ADGRL2: variants seen among roughly 807,000 people sequenced by gnomAD.
ADGRL2 encodes calcium-independent alpha-latrotoxin receptor 2.
ADGRL2 carries 44 observed loss-of-function variants against 157.4 expected under a neutral mutation model. The observed-to-expected ratio is 0.28, with a 90% CI of 0.22 to 0.36. The LOEUF (loss-of-function observed/expected upper bound fraction) is 0.36, where lower values mean the gene tolerates loss of function less well. Among genes scored for constraint, ADGRL2 ranks in the 10% least tolerant of loss-of-function variants. The probability of loss-of-function intolerance (pLI) is 1.00; values close to 1 mark genes in which losing one functional copy is unlikely to be tolerated. For synonymous variants in ADGRL2, 585 were observed against 624.7 expected (o/e 0.94, Z 0.95); for missense variants, 1,510 against 1,768.9 (o/e 0.85, Z 2.63).
At position 81,718,694 on chromosome 1, in the gene ADGRL2, C is replaced by T. The variant is rs556635701; in HGVS notation, c.-143+18886C>T. On this transcript the variant is annotated intron_variant, in intron 1 of 20. Transcript: ENST00000359929. ...GGAGACTTTACTGCATAGTCAGCTT[C>T]GCCTTCTAATCCAATCTTCCCCAAA... Among the ~76,000 whole-genome samples the T allele has an allele frequency of 3.9e-5, 6 of 152,326 alleles. No individual in the cohort carries two copies. The South Asian group carries it at 6.2e-4, about 16-fold the overall frequency.
intron 6 of ADGRL2, among the ~76,000 whole-genome samples, chr1:81,946,307 A>G (rs1162125177): frequency 1.3e-5 from 2 of 150,914 alleles, no homozygotes; most frequent in Non-Finnish European, 3.0e-5. Context: ...TTTCATTCCT[A>G]AAAGCACACG....
rs375955548 is a variant in ADGRL2 at position 81,470,490 on chromosome 1, A to C, written c.-248+25401A>C. Among the ~76,000 whole-genome samples the C allele has an allele frequency of 2.5e-4, 38 of 152,234 alleles. 6 individuals are homozygous for C. The highest frequency in any genetic ancestry group is 2.3e-3 in the East Asian group (12 of 5,174). On this transcript the variant is annotated intron_variant, in intron 2 of 24. Transcript: ENST00000370721. ...TTCAAGTTCCACATTTTCATTTGCT[A>C]GGTCACCACCTTGAATTTTCTCAAC...
chr1:81,483,530 A>G (rs1327507132), intron 2 of ADGRL2, among the ~76,000 whole-genome samples: 2 of 152,198 alleles, frequency 1.3e-5, no homozygotes, highest in Admixed American at 6.5e-5. Flanking sequence ...TATTTTAATA[A>G]TAACACTACA....
At chr1:81,449,726 C>T (rs964601250) in intron 2 of ADGRL2, among the ~76,000 whole-genome samples, 2 of 152,094 alleles carry the variant, frequency 1.3e-5, no homozygotes, top group Non-Finnish European at 2.9e-5. Flanking sequence ...CTTAGCCTCC[C>T]GAGTAGCTGG....
chr1:81,631,472 G>T (rs1006108111), intron 3 of ADGRL2, among the ~76,000 whole-genome samples: 1 of 152,076 alleles, frequency 6.6e-6, no homozygotes, highest in Admixed American at 6.6e-5. Flanking sequence ...CTCCCAAAGT[G>T]CTGGGATTAC....
chr1:81,385,703 A>G (rs1339309017), intron 1 of ADGRL2, among the ~76,000 whole-genome samples: 4 of 152,098 alleles, frequency 2.6e-5, no homozygotes, highest in Non-Finnish European at 5.9e-5. Context: ...AAATGAATGA[A>G]CAATGCATTG....
chr1:81,645,417 A>T (rs1046416982), intron 3 of ADGRL2, among the ~76,000 whole-genome samples: 6 of 146,676 alleles, frequency 4.1e-5, no homozygotes, highest in Non-Finnish European at 7.6e-5. Context: ...AAAAAAAAAA[A>T]AATTAAATTA....
intron 2 of ADGRL2, among the ~76,000 whole-genome samples, chr1:81,490,130 CTTT>C (rs59757979): frequency 7.5e-6 from 1 of 132,470 alleles, no homozygotes. Flanking sequence ...TTAACATATT[CTTT>C]TTTTTTTTTT....
At chr1:81,844,237 T>C (rs986443457) in intron 2 of ADGRL2, among the ~76,000 whole-genome samples, 3 of 152,212 alleles carry the variant, frequency 2.0e-5, no homozygotes, top group South Asian at 2.1e-4. Context: ...GTTATTTTTA[T>C]AGTTTGAAAG....
intron 1 of ADGRL2, among the ~76,000 whole-genome samples, chr1:81,819,161 G>T (rs571287820): frequency 6.6e-6 from 1 of 152,254 alleles, no homozygotes; most frequent in African/African-American, 2.4e-5. Context: ...GAAAGAAATA[G>T]GAACCTAATT....
intron 3 of ADGRL2, among the ~76,000 whole-genome samples, chr1:81,650,054 T>TG (rs2082383702): frequency 8.7e-6 from 1 of 114,956 alleles, no homozygotes; most frequent in East Asian, 2.2e-4. Context: ...GCACCTATTC[T>TG]TAAAAAAAAA....
intron 2 of ADGRL2, among the ~76,000 whole-genome samples, chr1:81,852,916 A>G (rs1048557615): frequency 6.6e-6 from 1 of 152,122 alleles, no homozygotes; most frequent in Admixed American, 6.6e-5. Context: ...TTTAATCTGT[A>G]TGAAGATCTG....
intron 10 of ADGRL2, among the ~76,000 whole-genome samples, chr1:81,954,826 C>G (rs1257222015): frequency 6.6e-6 from 1 of 152,210 alleles, no homozygotes; most frequent in East Asian, 1.9e-4. Context: ...ACTTTCCCCC[C>G]TGTTCATATA....
chr1:81,467,321 A>C (rs1439676513), intron 2 of ADGRL2, among the ~76,000 whole-genome samples: 1 of 152,190 alleles, frequency 6.6e-6, no homozygotes, highest in Non-Finnish European at 1.5e-5. Context: ...AGCAGCTAAA[A>C]AAGAACATGG....
intron 1 of ADGRL2, among the ~76,000 whole-genome samples, chr1:81,362,916 T>A (rs557590925): frequency 1.0e-3 from 157 of 152,144 alleles, no homozygotes; most frequent in Admixed American, 7.8e-3. Context: ...GTAAGCCTCT[T>A]GTGTTTTGGG....
At chr1:81,655,589 T>C (rs2082516656) in intron 3 of ADGRL2, among the ~76,000 whole-genome samples, 1 of 152,200 alleles carries the variant, frequency 6.6e-6, no homozygotes, top group African/African-American at 2.4e-5. Context: ...TTTTCTTTCT[T>C]TTTTGCTTTT....
chr1:81,714,590 A>G (rs2084045691), intron 1 of ADGRL2, among the ~76,000 whole-genome samples: 1 of 152,216 alleles, frequency 6.6e-6, no homozygotes, highest in African/African-American at 2.4e-5. Context: ...ATATAATAGA[A>G]GTCAGGCACA....
At chr1:81,546,643 T>C (rs919146390) in intron 2 of ADGRL2, among the ~76,000 whole-genome samples, 8 of 152,240 alleles carry the variant, frequency 5.3e-5, no homozygotes, top group African/African-American at 1.9e-4. Flanking sequence ...TTCTGTTACA[T>C]TGTTGATTCA....
At chr1:81,446,438 C>T (rs1049050139) in intron 2 of ADGRL2, among the ~76,000 whole-genome samples, 1 of 152,148 alleles carries the variant, frequency 6.6e-6, no homozygotes, top group African/African-American at 2.4e-5. Context: ...CTATATAGGG[C>T]CAATGACTTC....
Sources: gnomAD v4.1 joint callset for allele counts (sites outside exome capture counted in the v4.1 genomes callset) on GRCh38, gnomAD v4.1.1 for gene constraint, MANE v1.5 for transcripts, NCBI Gene and HGNC (gene_info 2026-07-23, HGNC 2026-07-21) for gene names.